Variants in FHIT observed in about 807,000 individuals in gnomAD.
The protein encoded by FHIT is fragile histidine triad diadenosine triphosphatase.
A neutral mutation model predicts 17.9 loss-of-function variants in FHIT; 19 were observed. That is an observed-to-expected ratio of 1.06 (90% CI 0.74 to 1.56). The LOEUF (loss-of-function observed/expected upper bound fraction) is 1.56. Ranked by LOEUF, FHIT falls within the 40% of genes most tolerant of loss-of-function variation. FHIT has a pLI of 0.00. For synonymous variants in FHIT, 81 were observed against 69.7 expected, an observed-to-expected ratio of 1.16 and a Z score of -0.81; for missense variants, 248 against 189.2, an observed-to-expected ratio of 1.31 and a Z score of -1.82.
chr3:60,534,827 TTCACTACTTGC>T (rs1281321990), intron 5 of FHIT, among the ~76,000 whole-genome samples: 1 of 152,352 alleles, frequency 6.6e-6, no homozygotes, highest in East Asian at 1.9e-4. Context: ...CGAGTTGTCA[TTCACTACTTGC>T]TCACTATTCA....
intron 5 of FHIT, among the ~76,000 whole-genome samples, chr3:60,332,896 G>GGCC (rs1710054757): frequency 2.6e-5 from 4 of 152,062 alleles, no homozygotes; most frequent in African/African-American, 7.2e-5. Context: ...AACCTGCATT[G>GGCC]GCCGACATTG....
At chr3:61,241,190 G>T (rs1196238661) in intron 1 of FHIT, among the ~76,000 whole-genome samples, 1 of 152,002 alleles carries the variant, frequency 6.6e-6, no homozygotes. Flanking sequence ...CTCTCCCTTG[G>T]ATTTCTTGCC....
chr3:59,953,749 C>T (rs1707246265), intron 7 of FHIT, among the ~76,000 whole-genome samples: 1 of 152,210 alleles, frequency 6.6e-6, no homozygotes, highest in Admixed American at 6.5e-5. Flanking sequence ...GCATTCTCTG[C>T]ATGTCAAAAA....
intron 3 of FHIT, among the ~76,000 whole-genome samples, chr3:60,863,866 T>C (rs1704039318): frequency 6.6e-6 from 1 of 152,212 alleles, no homozygotes; most frequent in African/African-American, 2.4e-5. Context: ...CTGACATCTA[T>C]TGAGTACTTG....
intron 3 of FHIT, among the ~76,000 whole-genome samples, chr3:60,861,964 G>A (rs374367094): frequency 8.2e-5 from 12 of 147,222 alleles, no homozygotes; most frequent in South Asian, 4.3e-4. Flanking sequence ...AAAAAAGGCC[G>A]GTTTGATCAC....
chr3:59,952,421 G>A (rs923781999), intron 7 of FHIT, among the ~76,000 whole-genome samples: 7 of 142,358 alleles, frequency 4.9e-5, no homozygotes, highest in African/African-American at 1.3e-4. Flanking sequence ...ATCTGACTCT[G>A]TGGAGTCTCC....
At chr3:60,005,225 T>C (rs543105891) in intron 7 of FHIT, among the ~76,000 whole-genome samples, 14 of 152,290 alleles carry the variant, frequency 9.2e-5, no homozygotes, top group Non-Finnish European at 1.9e-4. Context: ...AACGTGAAAA[T>C]ACTAGGGAGC....
At chr3:60,059,432 G>A (rs1431536149) in intron 5 of FHIT, among the ~76,000 whole-genome samples, 1 of 152,264 alleles carries the variant, frequency 6.6e-6, no homozygotes, top group Admixed American at 6.5e-5. Flanking sequence ...CATGGGAAAA[G>A]GGACACAAGG....
rs115827789 is a variant in FHIT, at chr3:61,075,075, G to T, written c.-163-32976C>A. On this transcript the variant is annotated intron_variant, in intron 2 of 9. Transcript: ENST00000492590. Reference sequence around the variant, plus strand: ...ATGGCAAGCACGGAATTGACGGCTAGAAAGAACAAAGCAGGTTTCAATGTT... The same window carrying T: ...ATGGCAAGCACGGAATTGACGGCTATAAAGAACAAAGCAGGTTTCAATGTT... Among the ~76,000 whole-genome samples the T allele has an allele frequency of 2.2e-3, 329 of 152,308 alleles. 2 individuals carry two copies. The highest frequency in any genetic ancestry group is 0.014 in the Admixed American group (208 of 15,290).
At chr3:60,139,811 T>C (rs1699960870) in intron 5 of FHIT, among the ~76,000 whole-genome samples, 1 of 115,084 alleles carries the variant, frequency 8.7e-6, no homozygotes, top group Non-Finnish European at 1.7e-5. Flanking sequence ...CTTAAGTACC[T>C]TTCATTATTA....
intron 4 of FHIT, among the ~76,000 whole-genome samples, chr3:60,597,442 C>G (rs1401269423): frequency 6.6e-6 from 1 of 152,090 alleles, no homozygotes; most frequent in Non-Finnish European, 1.5e-5. Context: ...GCAGCAGAAC[C>G]ATACCTTGAA....
chr3:60,501,138 T>C (rs2034509211), intron 5 of FHIT, among the ~76,000 whole-genome samples: 1 of 152,148 alleles, frequency 6.6e-6, no homozygotes. Flanking sequence ...AAAAACTGAT[T>C]CACTCACCTG....
chr3:60,546,900 T>C (rs1423978615), intron 4 of FHIT, among the ~76,000 whole-genome samples: 1 of 152,198 alleles, frequency 6.6e-6, no homozygotes, highest in Non-Finnish European at 1.5e-5. Context: ...AATCTAAGTC[T>C]ACCTCTTTTT....
At chr3:60,069,344 G>T (rs1702660304) in intron 5 of FHIT, among the ~76,000 whole-genome samples, 2 of 152,110 alleles carry the variant, frequency 1.3e-5, no homozygotes, top group African/African-American at 4.8e-5. Flanking sequence ...TAAATTACAG[G>T]TTATGTATAG....
intron 1 of FHIT, among the ~76,000 whole-genome samples, chr3:61,229,660 A>T (rs764847598): frequency 1.3e-5 from 2 of 152,212 alleles, no homozygotes; most frequent in Non-Finnish European, 2.9e-5. Context: ...TTAAGGAGGT[A>T]TGTCAAACGT....
At chr3:60,257,444 C>G (rs1188844470) in intron 5 of FHIT, among the ~76,000 whole-genome samples, 21 of 152,184 alleles carry the variant, frequency 1.4e-4, no homozygotes, top group Admixed American at 1.4e-3. Flanking sequence ...GGGTGCCACA[C>G]ATTTCACTCT....
intron 2 of FHIT, among the ~76,000 whole-genome samples, chr3:61,043,098 T>C (rs910001257): frequency 3.9e-5 from 6 of 152,236 alleles, no homozygotes; most frequent in Non-Finnish European, 7.4e-5. Context: ...TTCATCTCAC[T>C]GGGGCTTGTT....
intron 5 of FHIT, among the ~76,000 whole-genome samples, chr3:60,250,835 T>C (rs1396919992): frequency 6.6e-6 from 1 of 152,218 alleles, no homozygotes; most frequent in Admixed American, 6.5e-5. Context: ...TGCTAAGTGA[T>C]GGATTGTGAT....
At chr3:59,760,954 T>C (rs1172087722) in intron 8 of FHIT, among the ~76,000 whole-genome samples, 3 of 152,152 alleles carry the variant, frequency 2.0e-5, no homozygotes, top group Non-Finnish European at 4.4e-5. Flanking sequence ...GCCGGGGTTA[T>C]AGGCATGCAC....
Sources: allele counts gnomAD v4.1 joint callset (sites outside exome capture counted in the v4.1 genomes callset), GRCh38; gene constraint gnomAD v4.1.1; transcripts MANE v1.5; gene names NCBI Gene and HGNC (gene_info 2026-07-23, HGNC 2026-07-21).